ITPA: variants seen among roughly 807,000 people sequenced by gnomAD.
ITPA encodes inosine triphosphatase.
Under a neutral mutation model 29.6 loss-of-function variants are expected in ITPA, and 29 were observed. The observed-to-expected ratio is 0.98, with a 90% confidence interval of 0.73 to 1.34. The LOEUF (loss-of-function observed/expected upper bound fraction) is 1.34, where lower values mean the gene tolerates loss of function less well. ITPA is among the 40% of genes most tolerant of loss of function. The pLI, the probability that ITPA is intolerant of heterozygous loss-of-function variation, is 0.00. For synonymous variants in ITPA, 103 were observed against 99.3 expected, an observed-to-expected ratio of 1.04 and a Z score of -0.22; for missense variants, 241 against 251.5, an observed-to-expected ratio of 0.96 and a Z score of 0.28.
At chr20:3,216,249 TC>T (rs2067295802) in intron 5 of ITPA, among the ~76,000 whole-genome samples, 1 of 149,508 alleles carries the variant, frequency 6.7e-6, no homozygotes, top group Admixed American at 6.7e-5. Flanking sequence ...AACCTCCACT[TC>T]CCGGATTCAA....
At chr20:3,224,217 T>C (rs1475796647), downstream of ITPA, among the ~76,000 whole-genome samples, 5 of 152,216 alleles carry the variant, frequency 3.3e-5, no homozygotes, top group African/African-American at 1.2e-4. Flanking sequence ...TTCATTTTTA[T>C]GGTGGGGAGG....
At chr20:3,225,901 C>A (rs1331372233), downstream of ITPA, among the ~76,000 whole-genome samples, 1 of 152,090 alleles carries the variant, frequency 6.6e-6, no homozygotes, top group East Asian at 1.9e-4. Flanking sequence ...TAGTGGCAGG[C>A]ACCTATAATC....
chr20:3,206,800 C>T (rs545731894), upstream of ITPA, among the ~76,000 whole-genome samples: 3 of 149,674 alleles, frequency 2.0e-5, no homozygotes, highest in Admixed American at 1.3e-4. Context: ...CACTGCACTC[C>T]AGCCTGGGCG....
At chr20:3,204,754 G>T, upstream of ITPA, 1 of 869,680 alleles carries the variant, frequency 1.1e-6, no homozygotes, top group Non-Finnish European at 1.7e-6. Context: ...ATCACAGAGA[G>T]GCTTTAATGT....
intron 1 of ITPA, 81 bp from the exon 2 acceptor site, chr20:3,213,088 T>G: frequency 3.9e-5 from 54 of 1,386,746 alleles, no homozygotes; most frequent in Middle Eastern, 1.8e-4. Context: ...GAGTTATCGA[T>G]GAGAAAGGCG....
intron 4 of ITPA, among the ~76,000 whole-genome samples, chr20:3,214,504 C>T (rs1568511605): frequency 6.6e-6 from 1 of 151,152 alleles, no homozygotes; most frequent in Admixed American, 6.6e-5. Flanking sequence ...GTAACTGGGA[C>T]TACAGGTGTG....
At chr20:3,209,487 G>C, upstream of ITPA, 1 of 1,469,906 alleles carries the variant, frequency 6.8e-7, no homozygotes, top group Non-Finnish European at 9.5e-7. The surrounding 1 kb of genome is among the most constrained non-coding windows in gnomAD (Gnocchi z 4.6). Flanking sequence ...GCCACCAGCC[G>C]GAAGTTTTCT....
At chr20:3,215,831 G>A (rs974364868) in intron 5 of ITPA, among the ~76,000 whole-genome samples, 4 of 147,086 alleles carry the variant, frequency 2.7e-5, no homozygotes, top group East Asian at 2.1e-4. Context: ...GATTACAGGC[G>A]CCCACCACCA....
At chr20:3,217,364 T>G (rs1249299585) in intron 5 of ITPA, among the ~76,000 whole-genome samples, 1 of 152,232 alleles carries the variant, frequency 6.6e-6, no homozygotes, top group Non-Finnish European at 1.5e-5. Flanking sequence ...AGGCCTATTT[T>G]GTGACATCTG....
intron 5 of ITPA, among the ~76,000 whole-genome samples, chr20:3,216,157 G>T (rs1282352023): frequency 1.3e-4 from 14 of 109,242 alleles, no homozygotes; most frequent in Admixed American, 3.0e-4. Flanking sequence ...CGCTGGCTAA[G>T]TTTTTTTTTT....
chr20:3,211,496 G>GT (rs1465577548), intron 1 of ITPA, among the ~76,000 whole-genome samples: 1 of 148,152 alleles, frequency 6.7e-6, no homozygotes. Flanking sequence ...GTTTTGTTTT[G>GT]TTTGTTTGTT....
chr20:3,213,435 C>T (rs902707295), intron 3 of ITPA, 52 bp downstream of exon 3: 4 of 1,609,864 alleles, frequency 2.5e-6, no homozygotes, highest in Non-Finnish European at 2.5e-6. Context: ...AGGTAGCTTC[C>T]AGGGCCTGCG....
chr20:3,222,819 C>T (rs2067499645), intron 7 of ITPA, among the ~76,000 whole-genome samples: 2 of 152,328 alleles, frequency 1.3e-5, no homozygotes, highest in Middle Eastern at 3.4e-3. Flanking sequence ...GACCCAGAAA[C>T]GGAATATTTC....
At chr20:3,218,487 A>G in intron 5 of ITPA, 30 bp from the exon 6 acceptor site, 1 of 1,474,858 alleles carries the variant, frequency 6.8e-7, no homozygotes, top group Non-Finnish European at 9.5e-7. Context: ...GCCATTAGGG[A>G]TGCACTGAGC....
intron 1 of ITPA, among the ~76,000 whole-genome samples, chr20:3,212,750 T>TAG (rs2067201710): frequency 6.6e-6 from 1 of 152,220 alleles, no homozygotes; most frequent in Admixed American, 6.5e-5. Flanking sequence ...TTTGGTTTGT[T>TAG]ACCTATATTC....
intron 5 of ITPA, 64 bp downstream of exon 5, chr20:3,215,376 G>T (rs1207330951): frequency 1.3e-6 from 2 of 1,490,534 alleles, no homozygotes; most frequent in Non-Finnish European, 1.9e-6. Context: ...TTGTCTAGGG[G>T]AGGGACCCCA....
upstream of ITPA, chr20:3,204,475 A>G: frequency 4.0e-6 from 6 of 1,505,434 alleles, no homozygotes; most frequent in Non-Finnish European, 5.3e-6. Flanking sequence ...GCGACGGTCC[A>G]CAAAGGCTCA....
chr20:3,211,221 A>C (rs2067165445), intron 1 of ITPA, among the ~76,000 whole-genome samples: 1 of 147,842 alleles, frequency 6.8e-6, no homozygotes, highest in Non-Finnish European at 1.5e-5. Context: ...GCTGGAGTGC[A>C]GTGGTGCGAT....
At chr20:3,207,995 C>CAAA (rs71195826), upstream of ITPA, among the ~76,000 whole-genome samples, 1 of 116,460 alleles carries the variant, frequency 8.6e-6, no homozygotes, top group Non-Finnish European at 1.7e-5. Flanking sequence ...GACTCCGTCT[C>CAAA]AAAAAAAAAA....
Sources: gnomAD v4.1 joint callset for allele counts (sites outside exome capture counted in the v4.1 genomes callset) on GRCh38, gnomAD v4.1.1 for gene constraint, Gnocchi (gnomAD v3.1) non-coding constraint, MANE v1.5 for transcripts, NCBI Gene and HGNC (gene_info 2026-07-23, HGNC 2026-07-21) for gene names.